The following PDE1A variants were observed in gnomAD, a reference collection of about 807,000 sequenced individuals.
PDE1A encodes the protein dual specificity calcium/calmodulin-dependent 3',5'-cyclic nucleotide phosphodiesterase 1A.
Under a neutral mutation model 61.7 loss-of-function variants are expected in PDE1A, and 35 were observed. The ratio of observed to expected loss-of-function variants is 0.57; its 90% CI spans 0.43 to 0.75. The LOEUF (loss-of-function observed/expected upper bound fraction) is 0.75. Ranked by LOEUF, PDE1A falls within the 30% of genes least tolerant of loss-of-function variation. PDE1A has a pLI of 0.00. For synonymous variants in PDE1A, 232 were observed against 213.2 expected, an observed-to-expected ratio of 1.09 and a Z score of -0.77; for missense variants, 597 against 630.6, an observed-to-expected ratio of 0.95 and a Z score of 0.57.
the PDE1A span, among the ~76,000 whole-genome samples, chr2:182,657,229 A>C: frequency 6.6e-6 from 1 of 152,160 alleles, no homozygotes; most frequent in African/African-American, 2.4e-5. Flanking sequence ...CTCAAAAAAA[A>C]CCCAAAACAA....
the PDE1A span, among the ~76,000 whole-genome samples, chr2:182,562,304 T>G: frequency 3.2e-3 from 482 of 150,972 alleles, 5 homozygotes; most frequent in African/African-American, 0.011. Flanking sequence ...CTGCATCTAT[T>G]GAGATAATCA....
the PDE1A span, among the ~76,000 whole-genome samples, chr2:182,578,546 A>G: frequency 2.0e-5 from 3 of 152,220 alleles, no homozygotes; most frequent in Admixed American, 6.5e-5. Context: ...TCATTTTTTC[A>G]TAAGCTTATC....
At chr2:182,178,980 C>A (rs1684521371) in intron 13 of PDE1A, among the ~76,000 whole-genome samples, 1 of 152,130 alleles carries the variant, frequency 6.6e-6, no homozygotes, top group Non-Finnish European at 1.5e-5. Context: ...ATTAATACCA[C>A]AACATTAGTC....
chr2:182,648,151 A>G, the PDE1A span, among the ~76,000 whole-genome samples: 1 of 152,316 alleles, frequency 6.6e-6, no homozygotes, highest in South Asian at 2.1e-4. Flanking sequence ...CAATCTGTGC[A>G]TATAACAAGT....
chr2:182,265,611 C>T (rs953874661), intron 1 of PDE1A, among the ~76,000 whole-genome samples: 4 of 152,030 alleles, frequency 2.6e-5, no homozygotes, highest in African/African-American at 9.7e-5. Flanking sequence ...GTGTATTAAG[C>T]CCCAAGCCTT....
chr2:182,419,804 C>A (rs937794494), intron 1 of PDE1A, among the ~76,000 whole-genome samples: 4 of 152,074 alleles, frequency 2.6e-5, no homozygotes, highest in Non-Finnish European at 4.4e-5. Context: ...ACGTTCCCAC[C>A]ATATCCTACT....
intron 2 of PDE1A, among the ~76,000 whole-genome samples, chr2:182,511,333 G>A (rs1469065367): frequency 6.6e-6 from 1 of 152,020 alleles, no homozygotes; most frequent in Non-Finnish European, 1.5e-5. Flanking sequence ...GAGCTGAAGA[G>A]AAAGGAGGCT....
intron 1 of PDE1A, among the ~76,000 whole-genome samples, chr2:182,380,235 C>A (rs922049005): frequency 6.6e-6 from 1 of 151,842 alleles, no homozygotes; most frequent in South Asian, 2.1e-4. Context: ...CTCAGCCTCC[C>A]GAGTAGCTGC....
chr2:182,564,767 T>C, the PDE1A span, among the ~76,000 whole-genome samples: 2 of 152,184 alleles, frequency 1.3e-5, no homozygotes, highest in African/African-American at 2.4e-5. Context: ...TATTCTTTTT[T>C]CTCTAAACTT....
chr2:182,670,457 T>C, the PDE1A span, among the ~76,000 whole-genome samples: 2 of 152,184 alleles, frequency 1.3e-5, no homozygotes, highest in Non-Finnish European at 2.9e-5. Flanking sequence ...TATTCTCATG[T>C]GCAGTCAAGG....
At chr2:182,712,372 T>C in the PDE1A span, among the ~76,000 whole-genome samples, 13 of 152,204 alleles carry the variant, frequency 8.5e-5, no homozygotes, top group South Asian at 4.1e-4. Context: ...GATATCAGTG[T>C]TAATTTCTGG....
chr2:182,408,112 A>T (rs1484999978), intron 1 of PDE1A, among the ~76,000 whole-genome samples: 1 of 151,740 alleles, frequency 6.6e-6, no homozygotes, highest in Admixed American at 6.6e-5. Flanking sequence ...ACACATAGCT[A>T]ATCACTGGTG....
At chr2:182,593,654 A>C in the PDE1A span, among the ~76,000 whole-genome samples, 4 of 152,194 alleles carry the variant, frequency 2.6e-5, no homozygotes. Flanking sequence ...ATGTAGAGTG[A>C]CTAATTTACT....
At chr2:182,224,137 G>A (rs189386918) in intron 6 of PDE1A, among the ~76,000 whole-genome samples, 173 bp from the exon 7 acceptor site, 16 of 151,920 alleles carry the variant, frequency 1.1e-4, no homozygotes, top group Admixed American at 3.3e-4. Flanking sequence ...GATGCTTCAT[G>A]AAGTCAATGA....
At chr2:182,412,890 A>G (rs1458285505) in intron 1 of PDE1A, among the ~76,000 whole-genome samples, 1 of 152,210 alleles carries the variant, frequency 6.6e-6, no homozygotes, top group East Asian at 1.9e-4. Context: ...AGCTACAAAT[A>G]AAGTACTACT....
the PDE1A span, among the ~76,000 whole-genome samples, chr2:182,660,331 G>A: frequency 2.6e-5 from 4 of 152,168 alleles, no homozygotes; most frequent in Non-Finnish European, 4.4e-5. Context: ...GTGGAAGAAA[G>A]AGGAGAGTGA....
chr2:182,522,390 A>C (rs1463362616), intron 1 of PDE1A: 1 of 1,613,108 alleles, frequency 6.2e-7, no homozygotes, highest in Non-Finnish European at 8.5e-7. Flanking sequence ...GATGCTCCTA[A>C]GACAATACAG....
chr2:182,344,849 T>C (rs1698423662), intron 1 of PDE1A, among the ~76,000 whole-genome samples: 1 of 152,000 alleles, frequency 6.6e-6, no homozygotes. Flanking sequence ...AAGTTCAAAG[T>C]GCCAGTTATT....
chr2:182,515,083 T>C (rs1690049027), intron 2 of PDE1A, among the ~76,000 whole-genome samples: 1 of 152,206 alleles, frequency 6.6e-6, no homozygotes, highest in Non-Finnish European at 1.5e-5. Context: ...ATGGGTATCA[T>C]TCATTAGCAC....
Sources: allele counts gnomAD v4.1 joint callset (sites outside exome capture counted in the v4.1 genomes callset), GRCh38; gene constraint gnomAD v4.1.1; transcripts MANE v1.5; gene names NCBI Gene and HGNC (gene_info 2026-07-23, HGNC 2026-07-21).